SEMA4D: variants seen among roughly 807,000 people sequenced by gnomAD.
SEMA4D encodes semaphorin 4D.
SEMA4D carries 22 observed loss-of-function variants against 74.8 expected under a neutral mutation model. That is an observed-to-expected ratio of 0.29 (90% CI 0.21 to 0.42). The LOEUF is 0.42. SEMA4D is among the 10% of genes least tolerant of loss of function. The pLI is 1.00. For synonymous variants in SEMA4D, 445 were observed against 463.7 expected (o/e 0.96, Z 0.52); for missense variants, 937 against 1,118.4 (o/e 0.84, Z 2.31).
intron 2 of SEMA4D, among the ~76,000 whole-genome samples, chr9:89,422,068 A>T (rs891120920): frequency 2.6e-5 from 4 of 152,266 alleles, no homozygotes; most frequent in Non-Finnish European, 5.9e-5. Flanking sequence ...AAGAAAGGCA[A>T]GAGAACACAT....
At chr9:89,495,897 G>A (rs1564022810) in intron 1 of SEMA4D, among the ~76,000 whole-genome samples, 2 of 147,056 alleles carry the variant, frequency 1.4e-5, no homozygotes, top group African/African-American at 2.5e-5. Flanking sequence ...ATTGATCTTT[G>A]CAATGCATTA....
intron 2 of SEMA4D, among the ~76,000 whole-genome samples, chr9:89,422,318 G>A (rs550292252): frequency 1.3e-4 from 20 of 152,342 alleles, no homozygotes; most frequent in African/African-American, 4.8e-4. Flanking sequence ...TGGGGTGAAG[G>A]TGAGAGTCAG....
At chr9:89,444,667 C>T (rs750372528) in intron 2 of SEMA4D, among the ~76,000 whole-genome samples, 5 of 151,878 alleles carry the variant, frequency 3.3e-5, no homozygotes, top group Non-Finnish European at 5.9e-5. Flanking sequence ...TAGACACGTT[C>T]AAGAGTTTAA....
At chr9:89,456,970 C>CT (rs1588035604) in intron 1 of SEMA4D, among the ~76,000 whole-genome samples, 2 of 152,202 alleles carry the variant, frequency 1.3e-5, no homozygotes, top group Non-Finnish European at 2.9e-5. Flanking sequence ...AATCAACACT[C>CT]TGAGAAAATG....
intron 1 of SEMA4D, among the ~76,000 whole-genome samples, chr9:89,497,014 C>T (rs898928104): frequency 6.6e-6 from 1 of 152,204 alleles, no homozygotes; most frequent in Non-Finnish European, 1.5e-5. Context: ...AAAGCAACTT[C>T]ATGTGGAAAA....
At chr9:89,415,537 G>T (rs1845523389) in intron 2 of SEMA4D, among the ~76,000 whole-genome samples, 1 of 152,188 alleles carries the variant, frequency 6.6e-6, no homozygotes, top group South Asian at 2.1e-4. Context: ...ACTGGGTCAG[G>T]AGGGCAGAGT....
chr9:89,483,200 C>T (rs1250523194), intron 1 of SEMA4D, among the ~76,000 whole-genome samples: 2 of 152,202 alleles, frequency 1.3e-5, no homozygotes, highest in South Asian at 2.1e-4. Context: ...AGGACGCAGC[C>T]GCTGCTTACA....
In SEMA4D at chr9:89,387,446, C is replaced by T. The variant is rs542114524; in HGVS notation, c.1270G>A (p.Val424Met). 60 of 1,614,218 alleles carry T rather than the reference C, an allele frequency of 3.7e-5. 1 individual carries two copies. In the Middle Eastern group the frequency reaches 5.0e-4, roughly 13 times the overall value. The change falls in exon 12 of 16, where the codon GTG (valine) becomes ATG (methionine). Residue 424 changes from valine (V) to methionine (M), a missense_variant. Physicochemically the swap from Val to Met is conservative, Grantham distance 21 (BLOSUM62 1). Transcript: ENST00000422704. Reference protein sequence around the residue: ...IKKDVNYTQIVVDRTQALDGT... With the variant: ...IKKDVNYTQIMVDRTQALDGT... The stretch of plus-strand genomic sequence containing the variant: ...TCCAGGGCCTGGGTCCGGTCCACCA[C>T]GATCTGGGTGTAGTTCACATCTTTC...
chr9:89,388,498 C>T (rs978597538), intron 11 of SEMA4D, 138 bp downstream of exon 11: 9 of 996,554 alleles, frequency 9.0e-6, no homozygotes, highest in African/African-American at 6.5e-5. Context: ...CTGTGCTCAT[C>T]GGCCGTCCCT....
chr9:89,494,539 G>A (rs1302516378), intron 1 of SEMA4D, among the ~76,000 whole-genome samples: 1 of 152,220 alleles, frequency 6.6e-6, no homozygotes, highest in East Asian at 1.9e-4. Context: ...ACTAAGGAGT[G>A]ACATTTCTAC....
chr9:89,496,163 C>T (rs1428120564), intron 1 of SEMA4D, among the ~76,000 whole-genome samples: 1 of 152,214 alleles, frequency 6.6e-6, no homozygotes, highest in Non-Finnish European at 1.5e-5. Flanking sequence ...GCACTCTAAA[C>T]CTCAGCCCAG....
chr9:89,474,632 G>C (rs1382917889), intron 1 of SEMA4D, among the ~76,000 whole-genome samples: 2 of 152,166 alleles, frequency 1.3e-5, no homozygotes, highest in African/African-American at 4.8e-5. Context: ...CCCTGGAAGA[G>C]GACAAGGGCT....
At chr9:89,436,242 G>A (rs1442259771) in intron 2 of SEMA4D, 1 of 152,236 alleles carries the variant, frequency 6.6e-6, no homozygotes, top group Non-Finnish European at 1.5e-5. Flanking sequence ...CCCCAGTGAG[G>A]GGTGAGAAAT....
chr9:89,394,090 C>T (rs996576868), intron 6 of SEMA4D, among the ~76,000 whole-genome samples: 1 of 152,226 alleles, frequency 6.6e-6, no homozygotes, highest in African/African-American at 2.4e-5. Context: ...AGCAGAAAAA[C>T]ATAAACAGGC....
At chr9:89,461,700 C>CTCTCTTTTTTTT (rs71281350) in intron 1 of SEMA4D, among the ~76,000 whole-genome samples, 185 of 103,648 alleles carry the variant, frequency 1.8e-3, no homozygotes, top group Non-Finnish European at 2.8e-3. Context: ...TCTTTTTTCT[C>CTCTCTTTTTTTT]TTTTTTTTTT....
At chr9:89,396,897 A>C in intron 5 of SEMA4D, 62 bp from the exon 6 acceptor site, 1 of 1,447,066 alleles carries the variant, frequency 6.9e-7, no homozygotes, top group Non-Finnish European at 9.6e-7. Context: ...CACTATTCAA[A>C]CTGCTCACGC....
intron 16 of SEMA4D, chr9:89,367,976 G>A (rs1264254780): frequency 6.6e-6 from 1 of 152,274 alleles, no homozygotes; most frequent in African/African-American, 2.4e-5. Flanking sequence ...TACAAAATAT[G>A]GAGCTGATTC....
At chr9:89,422,115 C>T (rs528377317) in intron 2 of SEMA4D, among the ~76,000 whole-genome samples, 5 of 152,310 alleles carry the variant, frequency 3.3e-5, no homozygotes, top group South Asian at 2.1e-4. Context: ...CAGGTTATAA[C>T]GCTGGTTAAA....
chr9:89,474,074 C>T (rs1861145459), intron 1 of SEMA4D, among the ~76,000 whole-genome samples: 1 of 152,066 alleles, frequency 6.6e-6, no homozygotes, highest in South Asian at 2.1e-4. Flanking sequence ...CTTCACGGTC[C>T]CCATCCCAGC....
Sources: gnomAD v4.1 joint callset for allele counts (sites outside exome capture counted in the v4.1 genomes callset) on GRCh38, gnomAD v4.1.1 for gene constraint, MANE v1.5 for transcripts, NCBI Gene and HGNC (gene_info 2026-07-23, HGNC 2026-07-21) for gene names.